Variants in CACNB4 observed in about 807,000 individuals in gnomAD.
The protein encoded by CACNB4 is voltage-dependent L-type calcium channel subunit beta-4.
In CACNB4, 32 loss-of-function variants were observed where a neutral mutation model predicts 71.2. That is an observed-to-expected ratio of 0.45 (90% CI 0.34 to 0.60). The LOEUF is 0.60. Among genes scored for constraint, CACNB4 ranks in the 20% least tolerant of loss-of-function variants. CACNB4 has a pLI of 0.01. For missense variants in CACNB4, 464 were observed against 647.9 expected (o/e 0.72, Z 3.08); for synonymous variants, 231 against 236.9 (o/e 0.97, Z 0.23).
intron 4 of CACNB4, 134 bp downstream of exon 4, chr2:151,880,666 G>C (rs1341695245): frequency 1.2e-6 from 1 of 830,960 alleles, no homozygotes; most frequent in African/African-American, 1.7e-5. Flanking sequence ...GACTAGATTT[G>C]GGAGGCTCAG....
intron 2 of CACNB4, among the ~76,000 whole-genome samples, chr2:152,015,925 A>G (rs1579132935): frequency 6.6e-6 from 1 of 152,330 alleles, no homozygotes; most frequent in East Asian, 1.9e-4. Context: ...TCCAATTTTA[A>G]AATACTTCCA....
chr2:151,900,033 A>G (rs921157534), intron 2 of CACNB4, among the ~76,000 whole-genome samples: 1 of 152,204 alleles, frequency 6.6e-6, no homozygotes, highest in African/African-American at 2.4e-5. Flanking sequence ...AGAAAACCTC[A>G]GGGAGAAGGT....
At chr2:151,932,745 G>A (rs1373679289) in intron 2 of CACNB4, among the ~76,000 whole-genome samples, 2 of 150,320 alleles carry the variant, frequency 1.3e-5, no homozygotes, top group African/African-American at 4.9e-5. Context: ...CACAAGAATC[G>A]CTTGAACCTG....
At chr2:152,033,502 G>A (rs1684399072) in intron 2 of CACNB4, among the ~76,000 whole-genome samples, 1 of 152,200 alleles carries the variant, frequency 6.6e-6, no homozygotes, top group Admixed American at 6.5e-5. Flanking sequence ...AGCACGTGAA[G>A]ATCCTACCCT....
At chr2:151,983,285 A>G (rs2099875033) in intron 2 of CACNB4, among the ~76,000 whole-genome samples, 1 of 152,228 alleles carries the variant, frequency 6.6e-6, no homozygotes, top group Admixed American at 6.5e-5. Flanking sequence ...GCCACCTTTT[A>G]GCCAAGTCCA....
intron 2 of CACNB4, among the ~76,000 whole-genome samples, chr2:151,897,988 A>C (rs1330288574): frequency 6.6e-6 from 1 of 152,200 alleles, no homozygotes; most frequent in East Asian, 1.9e-4. Flanking sequence ...TAGAAATATA[A>C]AACTTAATTA....
At chr2:151,976,336 T>C (rs1442826477) in intron 2 of CACNB4, among the ~76,000 whole-genome samples, 1 of 152,226 alleles carries the variant, frequency 6.6e-6, no homozygotes, top group Non-Finnish European at 1.5e-5. Context: ...CAAAGCCATA[T>C]GTTCTATACT....
intron 2 of CACNB4, among the ~76,000 whole-genome samples, chr2:151,993,249 A>G (rs887211104): frequency 3.3e-5 from 5 of 152,014 alleles, no homozygotes; most frequent in African/African-American, 1.2e-4. Context: ...AACTATATCT[A>G]GAAACACTCC....
chr2:151,997,295 G>A (rs906636370), intron 2 of CACNB4, among the ~76,000 whole-genome samples: 2 of 152,198 alleles, frequency 1.3e-5, no homozygotes, highest in Non-Finnish European at 2.9e-5. Context: ...AGCACTTTGG[G>A]AGGCTGAGGC....
rs553661562 is a variant in CACNB4 at position 152,019,891 on chromosome 2, T to C, written c.147+78439A>G. Among the ~76,000 whole-genome samples, 30 of 152,354 alleles carry C rather than the reference T, an allele frequency of 2.0e-4. No homozygotes were observed. The East Asian group carries it at 4.8e-3, about 24-fold the overall frequency. ...GCAGGAGGACTGTGCAGTGGGTATA[T>C]GGGCAAGTCAGCTGTACCTATGGTT... On this transcript the variant is annotated intron_variant, in intron 2 of 13. Transcript: ENST00000539935.
At chr2:152,087,020 T>C (rs1420824626) in intron 2 of CACNB4, among the ~76,000 whole-genome samples, 2 of 152,006 alleles carry the variant, frequency 1.3e-5, no homozygotes, top group African/African-American at 2.4e-5. Flanking sequence ...TAATCCCAGC[T>C]ACTCGGGAGG....
chr2:151,846,718 A>G (rs2099837687), intron 12 of CACNB4, among the ~76,000 whole-genome samples: 1 of 151,902 alleles, frequency 6.6e-6, no homozygotes, highest in South Asian at 2.1e-4. Flanking sequence ...ACATCCAGCT[A>G]ATTTTTTGTA....
chr2:151,886,925 A>G (rs1215161439), intron 2 of CACNB4, among the ~76,000 whole-genome samples: 1 of 152,224 alleles, frequency 6.6e-6, no homozygotes, highest in Non-Finnish European at 1.5e-5. Flanking sequence ...GCACAGAGGG[A>G]AGAGCAAGTG....
chr2:151,974,815 C>A (rs1054851604), intron 2 of CACNB4, among the ~76,000 whole-genome samples: 328 of 137,876 alleles, frequency 2.4e-3, no homozygotes, highest in East Asian at 4.9e-3. Context: ...TCTGGTCAAC[C>A]AAAAAAAAAA....
chr2:151,839,386 A>G lies in CACNB4; in HGVS notation c.1303-7T>C, dbSNP rs745814577. The G allele has an allele frequency of 1.3e-6, 2 of 1,597,932 alleles. No homozygotes were observed. Among genetic ancestry groups the G allele is most frequent in the Non-Finnish European group, 8.6e-7 (1 of 1,167,792 alleles). On this transcript the variant is annotated splice_polypyrimidine_tract_variant and splice_region_variant and intron_variant, in intron 13 of 13. Coordinates refer to ENST00000539935, the MANE Select transcript of CACNB4 (RefSeq NM_000726.5). ...TGTGCCTCATTCGCTGACTCTAAAA[A>G]TATCAGATAGTTCATTGATTAAATA... is the stretch of plus-strand genomic sequence containing the variant.
Position 151,876,668 on chromosome 2 carries a change from A to C in CACNB4, c.391-112T>G, listed in dbSNP as rs1239782160. On this transcript the variant is annotated intron_variant, in intron 4 of 13. Coordinates refer to ENST00000539935, the MANE Select transcript of CACNB4 (RefSeq NM_000726.5). The stretch of plus-strand genomic sequence containing the variant: ...TGCTATTTATATGATATGATATGCT[A>C]TATTTTATATAAACTATATTTTATA... The C allele has an allele frequency of 1.1e-5, 6 of 551,886 alleles. No homozygotes were observed. The Admixed American group carries it at 2.2e-4, about 20-fold the overall frequency. The allele number at this position is 551,886 out of a possible 1,614,324, so 34.2% of individuals were successfully genotyped here.
At chr2:151,853,257 C>T (rs1418340841) in intron 12 of CACNB4, 191 bp downstream of exon 12, 1 of 513,198 alleles carries the variant, frequency 1.9e-6, no homozygotes, top group Non-Finnish European at 3.4e-6. Context: ...TATTACAAGG[C>T]AAACACCATC....
chr2:151,870,913 C>A, intron 6 of CACNB4, 52 bp from the exon 7 acceptor site: 1 of 1,373,346 alleles, frequency 7.3e-7, no homozygotes, highest in South Asian at 1.2e-5. Flanking sequence ...CTGCAAATGA[C>A]AGTACATGAG....
intron 2 of CACNB4, among the ~76,000 whole-genome samples, chr2:152,082,556 A>G (rs961581485): frequency 2.6e-5 from 4 of 152,170 alleles, no homozygotes; most frequent in African/African-American, 9.7e-5. Context: ...AGTTGACCAC[A>G]TACATCTGTG....
Sources: gnomAD v4.1 joint callset for allele counts (sites outside exome capture counted in the v4.1 genomes callset) on GRCh38, gnomAD v4.1.1 for gene constraint, MANE v1.5 for transcripts, NCBI Gene and HGNC (gene_info 2026-07-23, HGNC 2026-07-21) for gene names.